OTX2: variants seen among roughly 807,000 people sequenced by gnomAD.
The protein encoded by OTX2 is homeobox protein OTX2.
A neutral mutation model predicts 29.0 loss-of-function variants in OTX2; 4 were observed. That is an observed-to-expected ratio of 0.14 (90% confidence interval 0.07 to 0.32). The LOEUF (loss-of-function observed/expected upper bound fraction) is 0.32. Ranked by LOEUF, OTX2 falls within the 10% of genes least tolerant of loss-of-function variation. The probability of loss-of-function intolerance (pLI) is 1.00; values close to 1 mark genes in which losing one functional copy is unlikely to be tolerated. For missense variants in OTX2, 298 were observed against 365.9 expected (o/e 0.81, Z 1.51); for synonymous variants, 134 against 141.0 (o/e 0.95, Z 0.35).
rs758106958 is a variant in OTX2 at position 56,802,211 on chromosome 14, T to C, written c.418A>G (p.Thr140Ala). 6.2e-7 allele frequency: 1 copy of C among 1,613,372 alleles called. No individual in the cohort carries two copies. Among genetic ancestry groups the C allele is most frequent in the South Asian group, 1.1e-5 (1 of 91,020 alleles). Residue 140 changes from threonine to alanine, a missense_variant, in exon 5 of 5, where the codon ACT becomes GCT. By Grantham distance (58) the Thr-to-Ala change is moderately conservative. Coordinates refer to ENST00000672264, the MANE Select transcript of OTX2 (RefSeq NM_021728.4). The surrounding 1 kb of genome is among the most constrained non-coding windows in gnomAD (Gnocchi z 4.4). ...GGGACTGAGGTGCTAGAGGGGGGAG[T>C]GAATTGGCCACTTGTTCCACTCTCT... ...SSESGTSGQF[T>A]PPSSTSVPTI...
At position 56,802,498 on chromosome 14, in the gene OTX2, A is replaced by C; in HGVS notation, c.274-143T>G. The stretch of plus-strand genomic sequence containing the variant: ...TGCCACTGAAGACCTATTATGTGGT[A>C]CTCTCATATAAACTCCTGGACTTGT... On this transcript the variant is annotated intron_variant, in intron 4 of 4. Transcript: ENST00000672264. The surrounding 1 kb of genome is among the most constrained non-coding windows in gnomAD (Gnocchi z 4.4). 1 of 931,054 alleles carries C rather than the reference A, an allele frequency of 1.1e-6. No individual in the cohort carries two copies. The highest frequency in any genetic ancestry group is 1.8e-5 in the Admixed American group (1 of 55,580). The allele number at this position is 931,054 out of a possible 1,614,324, so 57.7% of individuals were successfully genotyped here.
chr14:56,805,681 G>A, intron 2 of OTX2, 106 bp from the exon 3 acceptor site: 1 of 545,114 alleles, frequency 1.8e-6, no homozygotes, highest in South Asian at 2.0e-5. Flanking sequence ...GACTAGGCGA[G>A]GCAGAGGCTT....
chr14:56,809,580 C>T (rs1477570022), intron 2 of OTX2, among the ~76,000 whole-genome samples: 1 of 152,174 alleles, frequency 6.6e-6, no homozygotes, highest in Non-Finnish European at 1.5e-5. Context: ...TTTCCGCTCA[C>T]GTTCAACAGG....
rs888062250 is a variant in OTX2, at chr14:56,802,441, A to G, written c.274-86T>C. On this transcript the variant is annotated intron_variant, in intron 4 of 4. Transcript: ENST00000672264. The surrounding 1 kb of genome is among the most constrained non-coding windows in gnomAD (Gnocchi z 4.4). ...CTCCCGTATTATAAATCTATCCTAC[A>G]TGGGCAGATCAGCTAAACACACAAT... 2.1e-6 allele frequency: 3 copies of G among 1,430,786 alleles called. No homozygotes were observed. In the South Asian group the frequency reaches 3.4e-5, roughly 16 times the overall value. The allele number at this position is 1,430,786 out of a possible 1,614,324, so 88.6% of individuals were successfully genotyped here. A position where few individuals can be genotyped will look rare whatever the true frequency, so the allele number is the denominator to read the frequency against.
chr14:56,806,232 T>C (rs1892086341), intron 2 of OTX2, among the ~76,000 whole-genome samples: 1 of 152,228 alleles, frequency 6.6e-6, no homozygotes, highest in Non-Finnish European at 1.5e-5. Context: ...TATTCCACAT[T>C]TGAAGTCATT....
Position 56,801,914 on chromosome 14 carries a change from G to A in OTX2, c.715C>T (p.Leu239Phe), listed in dbSNP as rs772782540. ...PMGTNAVTSH[L>F]NQSPASLSTQ... is the part of the protein sequence containing the mutation. Reference sequence around the variant, plus strand: ...GAAAGAGAAGCTGGGGACTGATTGAGATGGCTGGTGACTGCATTGGTACCC... The same window carrying A: ...GAAAGAGAAGCTGGGGACTGATTGAAATGGCTGGTGACTGCATTGGTACCC... The change falls in exon 5 of 5, where the codon CTC becomes TTC. Residue 239 changes from leucine to phenylalanine, a missense_variant. Leu to Phe is a conservative substitution (Grantham distance 22). Coordinates refer to ENST00000672264, the MANE Select transcript of OTX2 (RefSeq NM_021728.4). This position sits in a 1 kb window ranked among gnomAD's most constrained non-coding sequence, Gnocchi z 4.2. The A allele has an allele frequency of 1.2e-6, 2 of 1,614,224 alleles. No individual in the cohort carries two copies. Among genetic ancestry groups the A allele is most frequent in the Non-Finnish European group, 1.7e-6 (2 of 1,180,040 alleles).
rs751692939 is a variant in OTX2 at position 56,804,346 on chromosome 14, G to T, written c.115C>A (p.Pro39Thr). ...VGYPGPWASC[P>T]AATPRKQRRE... ...CGCTGTTTCCGGGGGGTGGCTGCGG[G>T]ACAAGAAGCCCAGGGCCCTTTAGGG... Residue 39 changes from proline to threonine, a missense_variant, in exon 4 of 5, where the codon CCC (proline) becomes ACC (threonine). Pro to Thr is a conservative substitution (Grantham distance 38, BLOSUM62 -1). Transcript: ENST00000672264. This position sits in a 1 kb window ranked among gnomAD's most constrained non-coding sequence, Gnocchi z 4.1. 1 of 1,613,844 alleles carries T rather than the reference G, an allele frequency of 6.2e-7. No homozygotes were observed. Among genetic ancestry groups the T allele is most frequent in the Non-Finnish European group, 8.5e-7 (1 of 1,180,010 alleles).
chr14:56,807,438 T>C (rs888506984), intron 2 of OTX2, among the ~76,000 whole-genome samples: 4 of 152,130 alleles, frequency 2.6e-5, no homozygotes, highest in Non-Finnish European at 5.9e-5. Context: ...ATATCAGATG[T>C]ACCCTTGAGA....
chr14:56,808,804 C>CA (rs1227135449), intron 2 of OTX2, among the ~76,000 whole-genome samples: 1 of 152,244 alleles, frequency 6.6e-6, no homozygotes, highest in African/African-American at 2.4e-5. Flanking sequence ...CCCCGCGCAC[C>CA]AGTTCTATCT....
rs1353883735 is a variant in OTX2, at chr14:56,802,395, G to A, written c.274-40C>T. On this transcript the variant is annotated intron_variant, in intron 4 of 4. Coordinates refer to ENST00000672264, the MANE Select transcript of OTX2 (RefSeq NM_021728.4). This position sits in a 1 kb window ranked among gnomAD's most constrained non-coding sequence, Gnocchi z 4.4. ...AAAATTCTTTAACTCGGTTTTGATA[G>A]TTCCTTAAGGACAAGAATGGCTCCC... The A allele has an allele frequency of 4.4e-6, 7 of 1,608,806 alleles. No individual in the cohort carries two copies. The highest frequency in any genetic ancestry group is 2.2e-5 in the East Asian group (1 of 44,884).
chr14:56,803,193 G>A (rs547920869), intron 4 of OTX2, among the ~76,000 whole-genome samples: 10 of 152,170 alleles, frequency 6.6e-5, no homozygotes, highest in Non-Finnish European at 1.3e-4. Flanking sequence ...ATTGGTGTAC[G>A]AGGGGGCTTA....
rs1891863587 is a variant in OTX2 at position 56,801,233 on chromosome 14, T to A, written c.*502A>T. The A allele has an allele frequency of 4.8e-6, 1 of 207,088 alleles. No individual in the cohort carries two copies. The highest frequency in any genetic ancestry group is 9.9e-6 in the Non-Finnish European group (1 of 101,172). 12.8% of individuals were successfully genotyped at this position (207,088 alleles called of 1,614,324 possible). A position where few individuals can be genotyped will look rare whatever the true frequency, so the allele number is the denominator to read the frequency against. The stretch of plus-strand genomic sequence containing the variant: ...ATTATTTTTTAAATAAAGTAGTGCA[T>A]CTAGGACAATCAGTCACACAATTCA... On this transcript the variant is annotated 3_prime_UTR_variant, in exon 5 of 5. Transcript: ENST00000672264. The surrounding 1 kb of genome is among the most constrained non-coding windows in gnomAD (Gnocchi z 4.2).
chr14:56,804,469 C>T lies in OTX2; in HGVS notation c.98-106G>A. The T allele has an allele frequency of 8.9e-7, 1 of 1,123,378 alleles. No individual in the cohort carries two copies. Among genetic ancestry groups the T allele is most frequent in the South Asian group, 1.6e-5 (1 of 63,214 alleles). The allele number at this position is 1,123,378 out of a possible 1,614,324, so 69.6% of individuals were successfully genotyped here. On this transcript the variant is annotated intron_variant, in intron 3 of 4. Transcript: ENST00000672264. This position sits in a 1 kb window ranked among gnomAD's most constrained non-coding sequence, Gnocchi z 4.1. ...TCCCCCGTTCCTCACAGCCCTTCAGCCGGGAGCCTACCAATGCTCTCCCCA... is the reference window on the plus strand; with the variant it reads ...TCCCCCGTTCCTCACAGCCCTTCAGTCGGGAGCCTACCAATGCTCTCCCCA...
intron 2 of OTX2, among the ~76,000 whole-genome samples, chr14:56,808,457 G>A (rs72715073): frequency 6.6e-6 from 1 of 152,182 alleles, no homozygotes; most frequent in Admixed American, 6.5e-5. Flanking sequence ...TCGAGTGAAA[G>A]TTTCTGGCCT....
At position 56,802,208 on chromosome 14, in the gene OTX2, G is replaced by C. The variant is rs376333965; in HGVS notation, c.421C>G (p.Pro141Ala). ...SESGTSGQFT[P>A]PSSTSVPTIA... is the part of the protein sequence containing the mutation. ...GTCGGGACTGAGGTGCTAGAGGGGGGAGTGAATTGGCCACTTGTTCCACTC... is the reference window on the plus strand; with the variant it reads ...GTCGGGACTGAGGTGCTAGAGGGGGCAGTGAATTGGCCACTTGTTCCACTC... The change falls in exon 5 of 5, where the codon CCC becomes GCC. Residue 141 changes from proline (P) to alanine (A), a missense_variant. Coordinates refer to ENST00000672264, the MANE Select transcript of OTX2 (RefSeq NM_021728.4). This position sits in a 1 kb window ranked among gnomAD's most constrained non-coding sequence, Gnocchi z 4.4. The C allele has an allele frequency of 7.4e-6, 12 of 1,614,140 alleles. No individual in the cohort carries two copies. Among genetic ancestry groups the C allele is most frequent in the South Asian group, 1.1e-5 (1 of 91,074 alleles).
At position 56,802,700 on chromosome 14, in the gene OTX2, C is replaced by G. The variant is rs866295399; in HGVS notation, c.274-345G>C. Among the ~76,000 whole-genome samples the G allele has an allele frequency of 6.6e-6, 1 of 152,300 alleles. No individual in the cohort carries two copies. ...AGACCCAGCTATATTTTGGAACACT[C>G]TCACAGAGGAATAGAATGTATCTCT... On this transcript the variant is annotated intron_variant, in intron 4 of 4. Transcript: ENST00000672264. This position sits in a 1 kb window ranked among gnomAD's most constrained non-coding sequence, Gnocchi z 4.4.
chr14:56,801,105 A>C lies in OTX2; in HGVS notation c.*630T>G, dbSNP rs1411874833. ...GTTCAAGGTTGCATACAATAACAGG[A>C]GATCACAGTTTTGAAGTCTAGCACA... is the stretch of plus-strand genomic sequence containing the variant. On this transcript the variant is annotated 3_prime_UTR_variant, in exon 5 of 5. Coordinates refer to ENST00000672264, the MANE Select transcript of OTX2 (RefSeq NM_021728.4). The surrounding 1 kb of genome is among the most constrained non-coding windows in gnomAD (Gnocchi z 4.2). 3.8e-5 allele frequency: 6 copies of C among 158,536 alleles called. No homozygotes were observed. Among genetic ancestry groups the C allele is most frequent in the Non-Finnish European group, 8.4e-5 (6 of 71,214 alleles). The allele number at this position is 158,536 out of a possible 1,614,324, so 9.8% of individuals were successfully genotyped here. A position where few individuals can be genotyped will look rare whatever the true frequency, so the allele number is the denominator to read the frequency against.
At chr14:56,807,472 A>G (rs1892127889) in intron 2 of OTX2, among the ~76,000 whole-genome samples, 1 of 152,172 alleles carries the variant, frequency 6.6e-6, no homozygotes, top group African/African-American at 2.4e-5. Flanking sequence ...TCTTACATGT[A>G]GAGCTCTCAC....
intron 2 of OTX2, among the ~76,000 whole-genome samples, chr14:56,808,555 A>T (rs1256790456): frequency 6.6e-6 from 1 of 152,146 alleles, no homozygotes; most frequent in Non-Finnish European, 1.5e-5. Context: ...TATCGTTGGG[A>T]GAAAGCCCCG....
Sources: gnomAD v4.1 joint callset for allele counts (sites outside exome capture counted in the v4.1 genomes callset) on GRCh38, gnomAD v4.1.1 for gene constraint, Gnocchi (gnomAD v3.1) non-coding constraint, MANE v1.5 for transcripts, NCBI Gene and HGNC (gene_info 2026-07-23, HGNC 2026-07-21) for gene names.